The following DZIP1 variants were observed in gnomAD, a reference collection of about 807,000 sequenced individuals.
The protein encoded by DZIP1 is cilium assembly protein DZIP1.
A neutral mutation model predicts 107.6 loss-of-function variants in DZIP1; 97 were observed. The ratio of observed to expected loss-of-function variants is 0.90; its 90% CI spans 0.77 to 1.07. The LOEUF (loss-of-function observed/expected upper bound fraction) is 1.07. DZIP1 is among the 50% of genes least tolerant of loss of function. The pLI is 0.00. For synonymous variants in DZIP1, 390 were observed against 386.4 expected, an observed-to-expected ratio of 1.01 and a Z score of -0.11; for missense variants, 1,035 against 1,063.6, an observed-to-expected ratio of 0.97 and a Z score of 0.37.
rs746810592 is a variant in DZIP1 at position 95,629,993 on chromosome 13, G to A, written c.806C>T (p.Ser269Phe). ...CCACAGAATTCTGCCTGGTACCTTG[G>A]AGAATCTGACTGCACTGGCATGGTG... Reference protein sequence around the residue: ...AAHHASAVRFSKEYEMQKTKE... With the variant: ...AAHHASAVRFFKEYEMQKTKE... Residue 269 changes from serine (S) to phenylalanine (F), a missense_variant, in exon 7 of 23, where the codon TCC becomes TTC. Physicochemically the swap from Ser to Phe is radical, Grantham distance 155 (BLOSUM62 -2). Coordinates refer to ENST00000376829, the MANE Select transcript of DZIP1 (RefSeq NM_198968.4). 1.2e-6 allele frequency: 2 copies of A among 1,601,030 alleles called. No individual in the cohort carries two copies. The highest frequency in any genetic ancestry group is 1.7e-6 in the Non-Finnish European group (2 of 1,176,108).
At position 95,641,655 on chromosome 13, in the gene DZIP1, C is replaced by T. The variant is rs1566440921; in HGVS notation, c.237G>A (p.Lys79=). 1.2e-6 allele frequency: 2 copies of T among 1,608,888 alleles called. No individual in the cohort carries two copies. The highest frequency in any genetic ancestry group is 8.5e-7 in the Non-Finnish European group (1 of 1,180,012). The change falls in exon 5 of 23, where the codon AAG becomes AAA. Residue 79 remains lysine, a synonymous_variant. Coordinates refer to ENST00000376829, the MANE Select transcript of DZIP1 (RefSeq NM_198968.4). This position sits in a 1 kb window ranked among gnomAD's most constrained non-coding sequence, Gnocchi z 4.3. ...WRRLSAIDVD[K]VAGAVDVLTL... ...TCAGCACGTCCACAGCCCCCGCCAC[C>T]TTGTCCACGTCGATGGCGCTCAGCC...
chr13:95,584,486 A>G, intron 22 of DZIP1: 1 of 696,668 alleles, frequency 1.4e-6, no homozygotes, highest in Admixed American at 5.6e-5. Context: ...AAAAACAAAA[A>G]ATAAAAATAA....
At position 95,580,473 on chromosome 13, in the gene DZIP1, G is replaced by A. The variant is rs1009513182; in HGVS notation, c.*1761C>T. On this transcript the variant is annotated 3_prime_UTR_variant, in exon 23 of 23. Transcript: ENST00000376829. ...CATTTCCCCAAGCTCTTCTGCTCAG[G>A]AATGAAAACATGGCAGACACAAAAC... The A allele has an allele frequency of 1.3e-5, 2 of 152,130 alleles. No individual in the cohort carries two copies. Among genetic ancestry groups the A allele is most frequent in the Admixed American group, 1.3e-4 (2 of 15,274 alleles). The allele number at this position is 152,130 out of a possible 1,614,324, so 9.4% of individuals were successfully genotyped here.
At chr13:95,642,542 T>G (rs1878664316) in intron 3 of DZIP1, among the ~76,000 whole-genome samples, 1 of 152,236 alleles carries the variant, frequency 6.6e-6, no homozygotes, top group Non-Finnish European at 1.5e-5. Context: ...CATCCTCATC[T>G]TTTACACACG....
At chr13:95,623,881 G>A (rs1876212368) in intron 8 of DZIP1, among the ~76,000 whole-genome samples, 1 of 152,246 alleles carries the variant, frequency 6.6e-6, no homozygotes, top group South Asian at 2.1e-4. Flanking sequence ...AGAGGTTGCA[G>A]TGAGCTGAGA....
intron 7 of DZIP1, among the ~76,000 whole-genome samples, chr13:95,629,378 C>T (rs1192631128): frequency 1.3e-5 from 2 of 152,184 alleles, no homozygotes; most frequent in Non-Finnish European, 2.9e-5. Flanking sequence ...CAAGTCATTC[C>T]AAGCACCCAA....
Position 95,599,381 on chromosome 13 carries a change from A to G in DZIP1, c.1521T>C (p.Leu507=). Reference sequence around the variant, plus strand: ...CTTTGTTACCTTTTTCTTCCTCTGAAAGTTCTTCTATTGGTTCCAGTATGT... The same window carrying G: ...CTTTGTTACCTTTTTCTTCCTCTGAGAGTTCTTCTATTGGTTCCAGTATGT... ...SSHILEPIEE[L]SEEEKGRENE... The change falls in exon 15 of 23, where the codon CTT becomes CTC. Residue 507 remains leucine (L), a synonymous_variant. Coordinates refer to ENST00000376829, the MANE Select transcript of DZIP1 (RefSeq NM_198968.4). 6.2e-7 allele frequency: 1 copy of G among 1,613,746 alleles called. No homozygotes were observed. Among genetic ancestry groups the G allele is most frequent in the Non-Finnish European group, 8.5e-7 (1 of 1,179,762 alleles).
intron 20 of DZIP1, 35 bp downstream of exon 20, chr13:95,587,504 C>A (rs2138783950): frequency 6.2e-7 from 1 of 1,605,758 alleles, no homozygotes; most frequent in Non-Finnish European, 8.5e-7. Flanking sequence ...GTCCTAAATA[C>A]AGTTTCCAGA....
intron 8 of DZIP1, among the ~76,000 whole-genome samples, chr13:95,623,728 G>T (rs1043647169): frequency 1.3e-5 from 2 of 152,106 alleles, no homozygotes; most frequent in African/African-American, 2.4e-5. Flanking sequence ...ATCACTTGAG[G>T]CCAGGAGTTC....
chr13:95,642,202 G>A lies in DZIP1; in HGVS notation c.-173C>T. The A allele has an allele frequency of 1.2e-6, 1 of 821,122 alleles. No individual in the cohort carries two copies. The highest frequency in any genetic ancestry group is 1.8e-5 in the African/African-American group (1 of 54,754). The allele number at this position is 821,122 out of a possible 1,614,324, so 50.9% of individuals were successfully genotyped here. ...GCCCAGGTCCGGACCTGGAGCAAAG[G>A]GCGCGTCTGCCCGCGCAGGGTCAGC... is the stretch of plus-strand genomic sequence containing the variant. On this transcript the variant is annotated 5_prime_UTR_variant, in exon 4 of 23. Transcript: ENST00000376829.
chr13:95,589,341 C>A, intron 18 of DZIP1, 134 bp from the exon 19 acceptor site: 1 of 676,700 alleles, frequency 1.5e-6, no homozygotes, highest in Non-Finnish European at 2.5e-6. Context: ...AGTCACCCAG[C>A]GTCAGTTAGA....
At chr13:95,601,501 C>T (rs941522036) in intron 14 of DZIP1, among the ~76,000 whole-genome samples, 8 of 152,178 alleles carry the variant, frequency 5.3e-5, no homozygotes, top group Non-Finnish European at 7.3e-5. Flanking sequence ...TAGCCCTGCC[C>T]TTTTGCCCCT....
At chr13:95,598,160 C>T (rs553653672) in intron 15 of DZIP1, among the ~76,000 whole-genome samples, 1 of 152,244 alleles carries the variant, frequency 6.6e-6, no homozygotes, top group African/African-American at 2.4e-5. Flanking sequence ...CTGAAAGAAG[C>T]AGGTTTCTAA....
chr13:95,619,971 T>G (rs1875620671), intron 9 of DZIP1, 24 bp from the exon 10 acceptor site: 2 of 1,611,950 alleles, frequency 1.2e-6, no homozygotes, highest in African/African-American at 2.7e-5. Context: ...AAAGAATAAT[T>G]TATGTACAAC....
intron 18 of DZIP1, among the ~76,000 whole-genome samples, chr13:95,589,525 C>A (rs573352562): frequency 7.2e-5 from 11 of 152,214 alleles, no homozygotes; most frequent in African/African-American, 2.6e-4. Flanking sequence ...TGGATGGGGG[C>A]CCCCATGATG....
chr13:95,633,519 CA>C (rs1375906106), intron 5 of DZIP1, among the ~76,000 whole-genome samples, 198 bp from the exon 6 acceptor site: 2 of 151,256 alleles, frequency 1.3e-5, no homozygotes, highest in African/African-American at 4.9e-5. Flanking sequence ...CCCATCTCCA[CA>C]AAAAAATACA....
chr13:95,621,308 T>TGGCCCAG (rs1566408609), intron 9 of DZIP1, among the ~76,000 whole-genome samples: 1 of 152,138 alleles, frequency 6.6e-6, no homozygotes, highest in South Asian at 2.1e-4. Flanking sequence ...CAGAGAAAGA[T>TGGCCCAG]GGCCCAGGGC....
intron 12 of DZIP1, 131 bp from the exon 13 acceptor site, chr13:95,609,644 G>C (rs932203312): frequency 1.6e-4 from 77 of 485,292 alleles, no homozygotes; most frequent in Middle Eastern, 1.0e-3. Context: ...ACATCACCAG[G>C]AGAATAAATA....
Position 95,641,247 on chromosome 13 carries a change from C to A in DZIP1, c.597+48G>T, listed in dbSNP as rs760724358. On this transcript the variant is annotated intron_variant, in intron 5 of 22. Coordinates refer to ENST00000376829, the MANE Select transcript of DZIP1 (RefSeq NM_198968.4). This position sits in a 1 kb window ranked among gnomAD's most constrained non-coding sequence, Gnocchi z 4.3. ...ACGGGACAGGCCTATCAAATGGGAA[C>A]TGAGTTGTTTACTGGATTATGAATC... 2 of 1,524,886 alleles carry A rather than the reference C, an allele frequency of 1.3e-6. No homozygotes were observed. Among genetic ancestry groups the A allele is most frequent in the East Asian group, 4.6e-5 (2 of 43,868 alleles). 94.5% of individuals were successfully genotyped at this position (1,524,886 alleles called of 1,614,324 possible). A position where few individuals can be genotyped will look rare whatever the true frequency, so the allele number is the denominator to read the frequency against.
Sources: allele counts gnomAD v4.1 joint callset (sites outside exome capture counted in the v4.1 genomes callset), GRCh38; gene constraint gnomAD v4.1.1; non-coding constraint Gnocchi (gnomAD v3.1); transcripts MANE v1.5; gene names NCBI Gene and HGNC (gene_info 2026-07-23, HGNC 2026-07-21).